EYS: variants seen among roughly 807,000 people sequenced by gnomAD.
EYS encodes EGF-like photoreceptor maintenance factor.
Under a neutral mutation model 282.1 loss-of-function variants are expected in EYS, and 250 were observed. The ratio of observed to expected loss-of-function variants is 0.89; its 90% CI spans 0.80 to 0.98. The LOEUF (loss-of-function observed/expected upper bound fraction) is 0.98, where lower values mean the gene tolerates loss of function less well. Among genes scored for constraint, EYS ranks in the 50% least tolerant of loss-of-function variants. The pLI, the probability that EYS is intolerant of heterozygous loss-of-function variation, is 0.00. For synonymous variants in EYS, 1,355 were observed against 1,282.9 expected (o/e 1.06, Z -1.20); for missense variants, 4,016 against 3,709.0 (o/e 1.08, Z -2.15).
At chr6:65,404,713 A>G (rs1766652774) in intron 6 of EYS, among the ~76,000 whole-genome samples, 1 of 151,994 alleles carries the variant, frequency 6.6e-6, no homozygotes, top group Non-Finnish European at 1.5e-5. Flanking sequence ...CCAGGGGAAA[A>G]AAAATTCCTT....
intron 41 of EYS, among the ~76,000 whole-genome samples, chr6:63,739,722 C>T (rs796183752): frequency 7.9e-5 from 12 of 152,222 alleles, no homozygotes; most frequent in African/African-American, 2.9e-4. Flanking sequence ...AAGACAGAGT[C>T]TTGCTCTGTC....
intron 10 of EYS, 21 bp downstream of exon 10, chr6:65,344,017 A>G: frequency 6.2e-7 from 1 of 1,601,506 alleles, no homozygotes; most frequent in East Asian, 2.2e-5. Context: ...AATGAAAAGC[A>G]ACTACATAAA....
chr6:64,276,586 C>T (rs1381000177), intron 30 of EYS, among the ~76,000 whole-genome samples: 3 of 152,120 alleles, frequency 2.0e-5, no homozygotes, highest in Non-Finnish European at 4.4e-5. Flanking sequence ...GAACAAGCCA[C>T]ACTATTGTTC....
At chr6:64,167,747 A>T (rs990535864) in intron 31 of EYS, among the ~76,000 whole-genome samples, 1 of 151,734 alleles carries the variant, frequency 6.6e-6, no homozygotes, top group Admixed American at 6.6e-5. Context: ...CTGGGATAAA[A>T]TATTTGCAAA....
chr6:65,469,422 A>T (rs753466846), intron 5 of EYS, among the ~76,000 whole-genome samples: 9 of 152,148 alleles, frequency 5.9e-5, no homozygotes, highest in Middle Eastern at 3.5e-3. Context: ...ATACATAGAT[A>T]TGTATTTCTT....
At chr6:65,581,117 A>C (rs1185650183) in intron 2 of EYS, among the ~76,000 whole-genome samples, 1 of 152,108 alleles carries the variant, frequency 6.6e-6, no homozygotes, top group African/African-American at 2.4e-5. Flanking sequence ...TTAATGGCTT[A>C]ATCAAAGAAA....
At chr6:64,533,072 G>A (rs9351302) in intron 26 of EYS, among the ~76,000 whole-genome samples, 39,828 of 152,108 alleles carry the variant, frequency 0.26, 5,732 homozygotes, top group East Asian at 0.36. Context: ...ATTCATATTA[G>A]AAATGAAGAA....
intron 31 of EYS, among the ~76,000 whole-genome samples, chr6:64,183,108 G>C (rs1175229958): frequency 6.6e-6 from 1 of 152,100 alleles, no homozygotes; most frequent in African/African-American, 2.4e-5. Context: ...GGTTTTATAA[G>C]GGGCTTCCCT....
At chr6:64,251,609 A>G (rs1767220223) in intron 30 of EYS, among the ~76,000 whole-genome samples, 1 of 152,208 alleles carries the variant, frequency 6.6e-6, no homozygotes, top group Non-Finnish European at 1.5e-5. Flanking sequence ...CTCCCAACGT[A>G]AAATGCCATT....
At chr6:65,293,525 C>G (rs1312023187) in intron 12 of EYS, among the ~76,000 whole-genome samples, 2 of 151,824 alleles carry the variant, frequency 1.3e-5, no homozygotes, top group African/African-American at 4.8e-5. Flanking sequence ...GAAGATTGGA[C>G]TAGCTGCTTT....
chr6:64,148,626 A>G (rs1774600154), intron 31 of EYS, among the ~76,000 whole-genome samples: 1 of 152,120 alleles, frequency 6.6e-6, no homozygotes, highest in Admixed American at 6.6e-5. Context: ...CAGTCCTATA[A>G]AATCAGAATC....
intron 36 of EYS, among the ~76,000 whole-genome samples, chr6:63,850,109 T>C (rs886086867): frequency 6.6e-6 from 1 of 151,866 alleles, no homozygotes. Flanking sequence ...AAATAAAGCA[T>C]GAAAACAAGA....
At chr6:65,240,999 C>T (rs575107457) in intron 12 of EYS, among the ~76,000 whole-genome samples, 1 of 152,212 alleles carries the variant, frequency 6.6e-6, no homozygotes, top group African/African-American at 2.4e-5. Flanking sequence ...TTTCCTAAAA[C>T]ATTTTAACAT....
chr6:64,812,860 G>GA (rs1179737712), intron 22 of EYS, among the ~76,000 whole-genome samples: 2 of 151,614 alleles, frequency 1.3e-5, no homozygotes, highest in African/African-American at 4.8e-5. Flanking sequence ...AATAACAAAG[G>GA]AAAAAAATTC....
At chr6:64,597,900 C>T (rs1766637968) in intron 24 of EYS, among the ~76,000 whole-genome samples, 1 of 151,958 alleles carries the variant, frequency 6.6e-6, no homozygotes, top group Admixed American at 6.6e-5. Context: ...TTTTAATGTT[C>T]ACAACACAAA....
intron 22 of EYS, among the ~76,000 whole-genome samples, chr6:64,784,851 C>G (rs1773969625): frequency 6.6e-6 from 1 of 152,054 alleles, no homozygotes; most frequent in South Asian, 2.1e-4. Flanking sequence ...TAAAGTGTCT[C>G]TAGGTCTCCA....
chr6:63,863,778 C>T (rs1425591527), intron 36 of EYS, among the ~76,000 whole-genome samples: 6 of 150,538 alleles, frequency 4.0e-5, no homozygotes, highest in South Asian at 2.1e-4. Flanking sequence ...TGGGTTCAAG[C>T]GATTCTCGAG....
intron 31 of EYS, among the ~76,000 whole-genome samples, chr6:64,169,196 A>G (rs942955175): frequency 2.0e-5 from 3 of 152,196 alleles, no homozygotes; most frequent in Admixed American, 6.5e-5. Context: ...ATATTGATAA[A>G]TGAACGAATG....
chr6:64,466,764 G>T (rs996944958), intron 26 of EYS, among the ~76,000 whole-genome samples: 11 of 152,024 alleles, frequency 7.2e-5, no homozygotes, highest in Non-Finnish European at 1.5e-5. Context: ...CACAAAAATT[G>T]ATATGTATTG....
Sources: allele counts gnomAD v4.1 joint callset (sites outside exome capture counted in the v4.1 genomes callset), GRCh38; gene constraint gnomAD v4.1.1; transcripts MANE v1.5; gene names NCBI Gene and HGNC (gene_info 2026-07-23, HGNC 2026-07-21).